The following ADGRB3 variants were observed in gnomAD, a reference collection of about 807,000 sequenced individuals.
The protein encoded by ADGRB3 is adhesion G protein-coupled receptor B3.
Under a neutral mutation model 193.4 loss-of-function variants are expected in ADGRB3, and 37 were observed. The ratio of observed to expected loss-of-function variants is 0.19; its 90% CI spans 0.15 to 0.25. The LOEUF (loss-of-function observed/expected upper bound fraction) is 0.25. ADGRB3 is among the 10% of genes least tolerant of loss of function. The pLI is 1.00. For missense variants in ADGRB3, 1,637 were observed against 1,852.9 expected (o/e 0.88, Z 2.14); for synonymous variants, 690 against 644.2 (o/e 1.07, Z -1.08).
intron 17 of ADGRB3, among the ~76,000 whole-genome samples, chr6:69,209,181 C>A (rs1189706781): frequency 1.3e-5 from 2 of 152,154 alleles, no homozygotes; most frequent in African/African-American, 4.8e-5. Context: ...TGTTGCAGAA[C>A]CTTCTCCTAT....
intron 20 of ADGRB3, among the ~76,000 whole-genome samples, chr6:69,306,914 T>C (rs1459695756): frequency 1.3e-5 from 2 of 151,440 alleles, no homozygotes; most frequent in African/African-American, 4.9e-5. Context: ...ATCATATTTG[T>C]TCCTATTTAC....
At chr6:68,855,928 G>T (rs189523241) in intron 3 of ADGRB3, among the ~76,000 whole-genome samples, 26 of 152,272 alleles carry the variant, frequency 1.7e-4, no homozygotes, top group Non-Finnish European at 2.6e-4. Flanking sequence ...TCATCTTGCA[G>T]CTCCCATAAT....
At chr6:69,250,515 T>C (rs1308071907) in intron 20 of ADGRB3, among the ~76,000 whole-genome samples, 4 of 152,236 alleles carry the variant, frequency 2.6e-5, no homozygotes. Flanking sequence ...CAAAGCTTAG[T>C]AGCTCAAAAC....
intron 23 of ADGRB3, chr6:69,332,572 T>G: frequency 1.0e-6 from 1 of 985,430 alleles, no homozygotes; most frequent in Non-Finnish European, 1.2e-6. Flanking sequence ...GGGCATAGGG[T>G]AAAACTGCTT....
At position 69,247,877 on chromosome 6, in the gene ADGRB3, A is replaced by G. The variant is rs138517793; in HGVS notation, c.2814+8651A>G. Among the ~76,000 whole-genome samples the G allele has an allele frequency of 3.0e-3, 451 of 152,246 alleles. 1 individual carries two copies. The highest frequency in any genetic ancestry group is 0.01 in the African/African-American group (424 of 41,554). ...TTTGGGGGCCCCATTTGGAATAATT[A>G]TAATGGAGGTCAATTTTTTTTTATT... On this transcript the variant is annotated intron_variant, in intron 20 of 31. Transcript: ENST00000370598.
At chr6:69,322,464 C>T (rs545312279) in intron 20 of ADGRB3, among the ~76,000 whole-genome samples, 14 of 151,986 alleles carry the variant, frequency 9.2e-5, no homozygotes, top group African/African-American at 3.1e-4. Flanking sequence ...TTTACAATTC[C>T]ACCAACAGTA....
At position 68,638,810 on chromosome 6, in the gene ADGRB3, T is replaced by G. The variant is rs768162498; in HGVS notation, c.135T>G (p.Ser45Arg). 7.4e-6 allele frequency: 12 copies of G among 1,614,120 alleles called. No individual in the cohort carries two copies. In the South Asian group the frequency reaches 1.2e-4, roughly 16 times the overall value. ...TCATTTATGGATCGTATTCTGTAAG[T>G]GAAATGTTTCCTAAAAACTTTACAA... ...KGVIYGSYSV[S>R]EMFPKNFTNC... Residue 45 changes from serine (S) to arginine (R), a missense_variant, in exon 3 of 32, where the codon AGT becomes AGG. Ser to Arg is a moderately radical substitution (Grantham distance 110). This residue lies in a region of ADGRB3 where 365 missense variants were observed against 409.8 expected (regional missense o/e 0.89). Coordinates refer to ENST00000370598, the MANE Select transcript of ADGRB3 (RefSeq NM_001704.3).
rs574957105 is a variant in ADGRB3 at position 69,303,545 on chromosome 6, T to C, written c.2815-21327T>C. 2.2e-3 allele frequency among the ~76,000 whole-genome samples: 331 copies of C among 152,060 alleles called. 5 individuals carry two copies. The highest frequency in any genetic ancestry group is 7.6e-3 in the African/African-American group (316 of 41,528). The stretch of plus-strand genomic sequence containing the variant: ...GAAAGTAAAGCCATCTTGGTCACCC[T>C]TCCTCTTGCTGGCTATGTCCTGCAT... On this transcript the variant is annotated intron_variant, in intron 20 of 31. Coordinates refer to ENST00000370598, the MANE Select transcript of ADGRB3 (RefSeq NM_001704.3).
At chr6:68,942,959 C>T (rs1305347461) in intron 5 of ADGRB3, among the ~76,000 whole-genome samples, 1 of 152,146 alleles carries the variant, frequency 6.6e-6, no homozygotes, top group African/African-American at 2.4e-5. Flanking sequence ...AATACTTATT[C>T]ACAGTGGTTA....
At position 68,723,685 on chromosome 6, in the gene ADGRB3, G is replaced by A. The variant is rs114897828; in HGVS notation, c.757+84253G>A. ...TAGAATTGCTGAGATAGAATACGAC[G>A]TATAGTTTCAAATATTAGTATTTAC... On this transcript the variant is annotated intron_variant, in intron 3 of 31. Transcript: ENST00000370598. Among the ~76,000 whole-genome samples, 729 of 151,744 alleles carry A rather than the reference G, an allele frequency of 4.8e-3. 4 individuals carry two copies. The highest frequency in any genetic ancestry group is 0.017 in the African/African-American group (694 of 41,470).
intron 15 of ADGRB3, among the ~76,000 whole-genome samples, chr6:69,061,135 A>G (rs1026887943): frequency 2.6e-5 from 4 of 151,982 alleles, no homozygotes; most frequent in African/African-American, 4.8e-5. Flanking sequence ...TAACAAAAAC[A>G]AAATAGACTT....
At chr6:69,041,825 C>A (rs1012889117) in intron 13 of ADGRB3, among the ~76,000 whole-genome samples, 4 of 152,052 alleles carry the variant, frequency 2.6e-5, no homozygotes, top group Non-Finnish European at 5.9e-5. Context: ...CTCCTGGGCT[C>A]AAGGGATCCT....
chr6:68,873,281 C>T (rs970433493), intron 3 of ADGRB3, among the ~76,000 whole-genome samples: 4 of 147,846 alleles, frequency 2.7e-5, no homozygotes, highest in African/African-American at 9.7e-5. Context: ...TCAGCAAAAG[C>T]AATGGATGAC....
intron 12 of ADGRB3, among the ~76,000 whole-genome samples, chr6:69,014,421 A>T (rs1770031054): frequency 6.6e-6 from 1 of 151,942 alleles, no homozygotes; most frequent in Non-Finnish European, 1.5e-5. Flanking sequence ...ATCTAAAAGT[A>T]CATATTTCAA....
At chr6:69,322,478 A>C (rs1278132317) in intron 20 of ADGRB3, among the ~76,000 whole-genome samples, 7 of 151,924 alleles carry the variant, frequency 4.6e-5, no homozygotes, top group African/African-American at 1.7e-4. Context: ...AACAGTATAT[A>C]AACCTTCCTT....
chr6:69,257,201 A>G (rs1766798374), intron 20 of ADGRB3, among the ~76,000 whole-genome samples: 1 of 152,162 alleles, frequency 6.6e-6, no homozygotes, highest in Non-Finnish European at 1.5e-5. Context: ...TTGGTATCAG[A>G]ATGATGCTGG....
At chr6:69,143,567 G>C (rs1774398657) in intron 17 of ADGRB3, among the ~76,000 whole-genome samples, 1 of 152,170 alleles carries the variant, frequency 6.6e-6, no homozygotes. Context: ...TATATGCCAA[G>C]AGACAGGGGT....
intron 24 of ADGRB3, among the ~76,000 whole-genome samples, chr6:69,337,533 G>A (rs536030194): frequency 1.3e-5 from 2 of 152,204 alleles, no homozygotes; most frequent in South Asian, 4.2e-4. Context: ...TGTACACATC[G>A]GCGTGTCCAA....
At chr6:68,647,325 T>G (rs950165028) in intron 3 of ADGRB3, among the ~76,000 whole-genome samples, 1 of 152,214 alleles carries the variant, frequency 6.6e-6, no homozygotes, top group African/African-American at 2.4e-5. Context: ...ATATGGTATT[T>G]AATGTATCTA....
Sources: gnomAD v4.1 joint callset for allele counts (sites outside exome capture counted in the v4.1 genomes callset) on GRCh38, gnomAD v4.1.1 for gene constraint, gnomAD v4.1.1 regional missense constraint, MANE v1.5 for transcripts, NCBI Gene and HGNC (gene_info 2026-07-23, HGNC 2026-07-21) for gene names.